Variants in PRKG1 observed in about 807,000 individuals in gnomAD.
The protein encoded by PRKG1 is cGMP-dependent protein kinase 1.
A neutral mutation model predicts 88.1 loss-of-function variants in PRKG1; 35 were observed. That is an observed-to-expected ratio of 0.40 (90% confidence interval 0.30 to 0.53). The LOEUF is 0.53. PRKG1 is among the 20% of genes least tolerant of loss of function. The pLI is 0.59. For missense variants in PRKG1, 540 were observed against 839.8 expected (o/e 0.64, Z 4.41); for synonymous variants, 303 against 292.5 (o/e 1.04, Z -0.37).
chr10:52,043,913 CAT>C (rs1845805830), intron 5 of PRKG1, among the ~76,000 whole-genome samples: 3 of 36,508 alleles, frequency 8.2e-5, no homozygotes. Context: ...CCCAGTTAAA[CAT>C]AGAAAAAAAA....
chr10:51,448,088 C>A (rs1158301113), intron 2 of PRKG1, among the ~76,000 whole-genome samples: 1 of 151,720 alleles, frequency 6.6e-6, no homozygotes, highest in Non-Finnish European at 1.5e-5. Context: ...CACACACTCA[C>A]AAATACAAAA....
At chr10:51,952,641 A>G (rs1046361159) in intron 5 of PRKG1, among the ~76,000 whole-genome samples, 1 of 152,230 alleles carries the variant, frequency 6.6e-6, no homozygotes, top group Non-Finnish European at 1.5e-5. Flanking sequence ...TATTAGCAGT[A>G]GTTTTTAATT....
At chr10:51,062,155 G>T (rs1589128401) in intron 1 of PRKG1, among the ~76,000 whole-genome samples, 1 of 152,180 alleles carries the variant, frequency 6.6e-6, no homozygotes, top group African/African-American at 2.4e-5. Context: ...ATTATAGATT[G>T]AACAGATATA....
rs182127496 is a variant in PRKG1 at position 51,946,421 on chromosome 10, C to T, written c.762+38851C>T. 9.1e-3 allele frequency among the ~76,000 whole-genome samples: 1,389 copies of T among 152,150 alleles called. 34 individuals carry two copies. Among genetic ancestry groups the T allele is most frequent in the African/African-American group, 0.03 (1,242 of 41,420 alleles). ...TTGGTTTGAATTTCCTCCTGTAGCT[C>T]GGAGTAGTTTGATCGCCTGAAGCCT... On this transcript the variant is annotated intron_variant, in intron 5 of 17. Coordinates refer to ENST00000373980, the MANE Select transcript of PRKG1 (RefSeq NM_006258.4).
chr10:52,253,829 G>T (rs545987475), intron 10 of PRKG1, among the ~76,000 whole-genome samples: 6 of 151,846 alleles, frequency 4.0e-5, no homozygotes, highest in Non-Finnish European at 8.8e-5. Flanking sequence ...AATTCAAAAT[G>T]GATCATTGGG....
intron 3 of PRKG1, among the ~76,000 whole-genome samples, chr10:51,717,264 G>A (rs1841908953): frequency 6.6e-6 from 1 of 152,132 alleles, no homozygotes; most frequent in Non-Finnish European, 1.5e-5. Context: ...GTCTGGTTTT[G>A]TTCCTGTGTA....
chr10:52,296,339 G>T lies in PRKG1; in HGVS notation c.*2439G>T, dbSNP rs1304088655. On this transcript the variant is annotated 3_prime_UTR_variant, in exon 18 of 18. Transcript: ENST00000373980. ...AAACTGTAGATTGTTTCTCCCACTTGTTACTGCATCTTTGTTCATTTCACC... is the reference window on the plus strand; with the variant it reads ...AAACTGTAGATTGTTTCTCCCACTTTTTACTGCATCTTTGTTCATTTCACC... The T allele has an allele frequency of 6.6e-6, 1 of 152,000 alleles. No homozygotes were observed. 9.4% of individuals were successfully genotyped at this position (152,000 alleles called of 1,614,324 possible).
In PRKG1 at chr10:51,738,018, T is replaced by C. The variant is rs553211688; in HGVS notation, c.593-66567T>C. Among the ~76,000 whole-genome samples, 163 of 151,860 alleles carry C rather than the reference T, an allele frequency of 1.1e-3. 1 individual carries two copies. The highest frequency in any genetic ancestry group is 1.4e-3 in the Non-Finnish European group (98 of 67,992). On this transcript the variant is annotated intron_variant, in intron 3 of 17. Transcript: ENST00000373980. ...TGGTCTCGAACTCCTGACGCCCACC[T>C]CCACCTCCCAAAGTGCTGGGATTAC... is the stretch of plus-strand genomic sequence containing the variant.
rs1440185144 is a variant in PRKG1 at position 51,919,825 on chromosome 10, C to T, written c.762+12255C>T. On this transcript the variant is annotated intron_variant, in intron 5 of 17. Transcript: ENST00000373980. Reference sequence around the variant, plus strand: ...CTGTCTCCCAGTTTTCTGTAAGTACCTAAGCACAGGGTATGTCTTAACATA... The same window carrying T: ...CTGTCTCCCAGTTTTCTGTAAGTACTTAAGCACAGGGTATGTCTTAACATA... Among the ~76,000 whole-genome samples the T allele has an allele frequency of 2.0e-5, 3 of 152,222 alleles. No homozygotes were observed. In the South Asian group the frequency reaches 6.2e-4, roughly 32 times the overall value.
chr10:51,111,272 T>A (rs1442833357), intron 1 of PRKG1, among the ~76,000 whole-genome samples: 1 of 152,180 alleles, frequency 6.6e-6, no homozygotes, highest in Non-Finnish European at 1.5e-5. Context: ...TTGTTTATAT[T>A]TTTAAATTTT....
At chr10:51,034,668 T>TTTTTATA (rs9299454) in intron 1 of PRKG1, among the ~76,000 whole-genome samples, 1 of 68,186 alleles carries the variant, frequency 1.5e-5, no homozygotes, top group Admixed American at 2.1e-4. Flanking sequence ...AATATGTTAT[T>TTTTTATA]TATATATATA....
intron 3 of PRKG1, among the ~76,000 whole-genome samples, chr10:51,724,524 T>C (rs1295805711): frequency 6.6e-6 from 1 of 152,188 alleles, no homozygotes; most frequent in African/African-American, 2.4e-5. Flanking sequence ...CTAGAACTTA[T>C]TTACTTCTTT....
chr10:51,714,612 TG>T (rs1039126533), intron 3 of PRKG1, among the ~76,000 whole-genome samples: 17 of 152,140 alleles, frequency 1.1e-4, no homozygotes, highest in Non-Finnish European at 2.5e-4. Flanking sequence ...TCAAAATTTT[TG>T]TGTACTACAG....
intron 3 of PRKG1, among the ~76,000 whole-genome samples, chr10:51,549,924 G>T (rs1468593433): frequency 6.6e-6 from 1 of 152,070 alleles, no homozygotes; most frequent in Non-Finnish European, 1.5e-5. Context: ...TGCAAGGGAG[G>T]TTTTGTTTTT....
intron 2 of PRKG1, among the ~76,000 whole-genome samples, chr10:51,218,846 G>C (rs1326694781): frequency 6.6e-6 from 1 of 151,788 alleles, no homozygotes; most frequent in Non-Finnish European, 1.5e-5. Context: ...GAAGGAGAGA[G>C]GGAGGGAGTG....
rs532334907 is a variant in PRKG1, at chr10:51,612,102, A to T, written c.592+144266A>T. Among the ~76,000 whole-genome samples the T allele has an allele frequency of 1.6e-4, 25 of 151,990 alleles. No individual in the cohort carries two copies. In the South Asian group the frequency reaches 4.1e-3, roughly 25 times the overall value. On this transcript the variant is annotated intron_variant, in intron 3 of 17. Coordinates refer to ENST00000373980, the MANE Select transcript of PRKG1 (RefSeq NM_006258.4). ...TTCAGCTTTGCACTTTTTACTTGGGATTGCTTTGGCAATTCTGGCTCTTTT... is the reference window on the plus strand; with the variant it reads ...TTCAGCTTTGCACTTTTTACTTGGGTTTGCTTTGGCAATTCTGGCTCTTTT...
At chr10:51,516,194 T>C (rs754306502) in intron 3 of PRKG1, among the ~76,000 whole-genome samples, 1 of 152,116 alleles carries the variant, frequency 6.6e-6, no homozygotes, top group Non-Finnish European at 1.5e-5. Flanking sequence ...GCTGGAATGC[T>C]GGAATGGGGA....
chr10:51,130,279 T>G (rs1668157959), intron 1 of PRKG1, among the ~76,000 whole-genome samples: 1 of 152,124 alleles, frequency 6.6e-6, no homozygotes, highest in Non-Finnish European at 1.5e-5. Flanking sequence ...TCTCCATCCT[T>G]CCAGACCTCA....
chr10:51,036,044 G>A (rs889032476), intron 1 of PRKG1, among the ~76,000 whole-genome samples: 37 of 152,010 alleles, frequency 2.4e-4, no homozygotes, highest in Admixed American at 1.2e-3. Context: ...CATTTCAATC[G>A]TATCCCATTT....
Sources: gnomAD v4.1 joint callset for allele counts (sites outside exome capture counted in the v4.1 genomes callset) on GRCh38, gnomAD v4.1.1 for gene constraint, MANE v1.5 for transcripts, NCBI Gene and HGNC (gene_info 2026-07-23, HGNC 2026-07-21) for gene names.